The following WWC2 variants were observed in gnomAD, a reference collection of about 807,000 sequenced individuals.
The protein encoded by WWC2 is protein WWC2.
Under a neutral mutation model 138.5 loss-of-function variants are expected in WWC2, and 101 were observed. The ratio of observed to expected loss-of-function variants is 0.73; its 90% CI spans 0.62 to 0.86. WWC2 has a LOEUF of 0.86. Ranked by LOEUF, WWC2 falls within the 40% of genes least tolerant of loss-of-function variation. The pLI is 0.00. For synonymous variants in WWC2, 558 were observed against 538.4 expected, an observed-to-expected ratio of 1.04 and a Z score of -0.50; for missense variants, 1,420 against 1,419.4, an observed-to-expected ratio of 1.00 and a Z score of -0.01.
intron 1 of WWC2, among the ~76,000 whole-genome samples, chr4:183,149,200 C>G (rs1346098319): frequency 1.3e-5 from 2 of 152,248 alleles, no homozygotes; most frequent in South Asian, 4.2e-4. Flanking sequence ...ACCCCAGAAG[C>G]CTTTTACAGT....
At chr4:183,276,711 C>T (rs1737867449) in intron 16 of WWC2, among the ~76,000 whole-genome samples, 1 of 152,072 alleles carries the variant, frequency 6.6e-6, no homozygotes, top group East Asian at 1.9e-4. Flanking sequence ...TTTCCTTCTG[C>T]ATTATTGTGC....
At chr4:183,296,872 T>C (rs1359659104) in intron 21 of WWC2, among the ~76,000 whole-genome samples, 1 of 125,478 alleles carries the variant, frequency 8.0e-6, no homozygotes, top group Non-Finnish European at 1.6e-5. Flanking sequence ...AGGCGGAGCT[T>C]GCAGTGAGCC....
At chr4:183,179,245 G>A (rs1734553376) in intron 1 of WWC2, among the ~76,000 whole-genome samples, 1 of 152,174 alleles carries the variant, frequency 6.6e-6, no homozygotes, top group Admixed American at 6.5e-5. Flanking sequence ...GAAGAGAGGA[G>A]TGTGAGAACT....
intron 1 of WWC2, among the ~76,000 whole-genome samples, chr4:183,138,173 T>C (rs1561432059): frequency 6.6e-6 from 1 of 152,174 alleles, no homozygotes; most frequent in Non-Finnish European, 1.5e-5. Context: ...TATGAATTCT[T>C]GGGGGAGGTG....
intron 1 of WWC2, among the ~76,000 whole-genome samples, chr4:183,120,649 A>G (rs1444005462): frequency 1.3e-5 from 2 of 152,248 alleles, no homozygotes; most frequent in Admixed American, 6.5e-5. Flanking sequence ...TGTTAAAATC[A>G]TGATATTCCC....
intron 4 of WWC2, among the ~76,000 whole-genome samples, chr4:183,238,466 G>A (rs998539573): frequency 6.1e-5 from 9 of 147,606 alleles, no homozygotes; most frequent in South Asian, 2.1e-4. Flanking sequence ...CTTGATTCTC[G>A]TTGTTCTTAG....
At chr4:183,264,856 A>T (rs1385479492) in intron 11 of WWC2, 122 bp from the exon 12 acceptor site, 2 of 1,083,750 alleles carry the variant, frequency 1.8e-6, no homozygotes, top group Non-Finnish European at 2.5e-6. Flanking sequence ...GAATATTAAC[A>T]TCCTTGACTC....
chr4:183,254,430 C>T (rs761195741), intron 9 of WWC2, among the ~76,000 whole-genome samples: 1 of 152,206 alleles, frequency 6.6e-6, no homozygotes, highest in Non-Finnish European at 1.5e-5. Flanking sequence ...CCCTGTGATA[C>T]CCTAACAGGT....
intron 1 of WWC2, among the ~76,000 whole-genome samples, chr4:183,113,158 G>A (rs753933422): frequency 1.3e-5 from 2 of 151,856 alleles, no homozygotes; most frequent in Non-Finnish European, 2.9e-5. Context: ...TGTAATCTCA[G>A]CTACTTGAGA....
chr4:183,185,167 C>T (rs1285201495), intron 1 of WWC2, among the ~76,000 whole-genome samples: 1 of 152,182 alleles, frequency 6.6e-6, no homozygotes, highest in African/African-American at 2.4e-5. Context: ...AGGGTGACCC[C>T]AACAGTCTGT....
intron 14 of WWC2, among the ~76,000 whole-genome samples, chr4:183,267,929 A>AT (rs1737558407): frequency 6.6e-6 from 1 of 152,112 alleles, no homozygotes; most frequent in Admixed American, 6.5e-5. Context: ...CTCAAAAGTT[A>AT]TTTTTTGATT....
At chr4:183,216,201 C>T (rs557860336) in intron 4 of WWC2, among the ~76,000 whole-genome samples, 14 of 152,238 alleles carry the variant, frequency 9.2e-5, no homozygotes, top group South Asian at 2.1e-4. Flanking sequence ...ATTGTACATA[C>T]GTTTTGCAAT....
chr4:183,293,924 A>G (rs898833381), intron 21 of WWC2, among the ~76,000 whole-genome samples: 1 of 152,212 alleles, frequency 6.6e-6, no homozygotes, highest in Non-Finnish European at 1.5e-5. Context: ...AAGCAAATTC[A>G]TGGAGAATTT....
intron 1 of WWC2, among the ~76,000 whole-genome samples, chr4:183,138,053 T>C (rs1267593288): frequency 6.6e-6 from 1 of 152,218 alleles, no homozygotes; most frequent in Non-Finnish European, 1.5e-5. Context: ...TTCTAGGTGC[T>C]GAGGGGCTCT....
At position 183,269,203 on chromosome 4, in the gene WWC2, G is replaced by A. The variant is rs528165102; in HGVS notation, c.2400+40G>A. 286 of 1,052,552 alleles carry A rather than the reference G, an allele frequency of 2.7e-4. 1 individual carries two copies. The African/African-American group carries it at 5.0e-3, about 19-fold the overall frequency. 65.2% of individuals were successfully genotyped at this position (1,052,552 alleles called of 1,614,324 possible). ...AATTCCCATTACCAAATAGCACTTA[G>A]ATTGGGTGGTCTGAGGATATACTTT... On this transcript the variant is annotated intron_variant, in intron 15 of 22. Transcript: ENST00000403733.
At chr4:183,136,542 A>G (rs192277479) in intron 1 of WWC2, among the ~76,000 whole-genome samples, 1 of 152,284 alleles carries the variant, frequency 6.6e-6, no homozygotes, top group Admixed American at 6.5e-5. Flanking sequence ...ATTCTTACAC[A>G]GTCACACTTT....
At chr4:183,250,911 G>T (rs1736959399) in intron 8 of WWC2, among the ~76,000 whole-genome samples, 1 of 152,106 alleles carries the variant, frequency 6.6e-6, no homozygotes, top group Non-Finnish European at 1.5e-5. Context: ...AAAGCAATTG[G>T]CCGTAGTCCT....
chr4:183,279,956 A>G (rs945565837), intron 16 of WWC2, among the ~76,000 whole-genome samples: 10 of 152,004 alleles, frequency 6.6e-5, no homozygotes, highest in African/African-American at 1.2e-4. Flanking sequence ...TTTTCTCTCA[A>G]TGCCTTTAGT....
rs1333985064 is a variant in WWC2 at position 183,100,679 on chromosome 4, CCTAA to C, written c.131+1061_131+1064del. On this transcript the variant is annotated intron_variant, in intron 1 of 22. Coordinates refer to ENST00000403733, the MANE Select transcript of WWC2 (RefSeq NM_024949.6). ...CTTTTCTCAATTTGAAGCTGAAATA[CCTAA>C]CTACTTTATAATCTCAGTTACTTTT... 1.2e-4 allele frequency among the ~76,000 whole-genome samples: 19 copies of C among 152,292 alleles called. No individual in the cohort carries two copies. In the South Asian group the frequency reaches 3.5e-3, roughly 28 times the overall value.
Sources: allele counts gnomAD v4.1 joint callset (sites outside exome capture counted in the v4.1 genomes callset), GRCh38; gene constraint gnomAD v4.1.1; transcripts MANE v1.5; gene names NCBI Gene and HGNC (gene_info 2026-07-23, HGNC 2026-07-21).